Variants in MACROD2 observed in about 807,000 individuals in gnomAD.
The protein encoded by MACROD2 is ADP-ribose glycohydrolase MACROD2.
In MACROD2, 36 loss-of-function variants were observed where a neutral mutation model predicts 70.4. That is an observed-to-expected ratio of 0.51 (90% CI 0.39 to 0.68). The LOEUF is 0.68. MACROD2 is among the 30% of genes least tolerant of loss of function. The pLI, the probability that MACROD2 is intolerant of heterozygous loss-of-function variation, is 0.00. For synonymous variants in MACROD2, 172 were observed against 178.8 expected (o/e 0.96, Z 0.30); for missense variants, 496 against 538.4 (o/e 0.92, Z 0.78).
At chr20:15,620,959 T>C (rs1445102520) in intron 8 of MACROD2, among the ~76,000 whole-genome samples, 1 of 152,110 alleles carries the variant, frequency 6.6e-6, no homozygotes. Flanking sequence ...GGTTTGACTT[T>C]AGAGAAGGTC....
At chr20:15,257,400 A>C (rs2077208922) in intron 6 of MACROD2, among the ~76,000 whole-genome samples, 1 of 152,066 alleles carries the variant, frequency 6.6e-6, no homozygotes, top group Non-Finnish European at 1.5e-5. Context: ...CTTATTGAGA[A>C]CCTATCAAGT....
At chr20:14,161,724 G>A (rs545189993) in intron 3 of MACROD2, among the ~76,000 whole-genome samples, 17 of 151,494 alleles carry the variant, frequency 1.1e-4, no homozygotes, top group East Asian at 9.8e-4. Flanking sequence ...CTACAGGTAC[G>A]CGCCACCACA....
chr20:14,658,813 C>T (rs979219375), intron 4 of MACROD2, among the ~76,000 whole-genome samples: 4 of 152,176 alleles, frequency 2.6e-5, no homozygotes, highest in African/African-American at 7.2e-5. Flanking sequence ...GGTCTTTCAC[C>T]GTGTTGCCCC....
chr20:14,718,434 T>C (rs1287425316), intron 5 of MACROD2, among the ~76,000 whole-genome samples: 1 of 151,668 alleles, frequency 6.6e-6, no homozygotes, highest in Non-Finnish European at 1.5e-5. Context: ...AAAGAGAAGC[T>C]AGTCAACAGG....
intron 5 of MACROD2, among the ~76,000 whole-genome samples, chr20:15,074,801 T>C (rs976354890): frequency 2.0e-5 from 3 of 152,172 alleles, no homozygotes; most frequent in East Asian, 3.8e-4. Context: ...GGGTAGAGAA[T>C]AGAAAACACA....
chr20:14,319,168 C>T (rs2082637716), intron 3 of MACROD2, among the ~76,000 whole-genome samples: 2 of 152,210 alleles, frequency 1.3e-5, no homozygotes, highest in Non-Finnish European at 2.9e-5. Context: ...ATCTCTGGGA[C>T]ATTTCCCCAT....
intron 10 of MACROD2, among the ~76,000 whole-genome samples, chr20:15,917,710 G>A (rs2065339672): frequency 6.6e-6 from 1 of 152,070 alleles, no homozygotes; most frequent in African/African-American, 2.4e-5. Flanking sequence ...ATTGTTGGAT[G>A]AGAATTCTCA....
intron 5 of MACROD2, among the ~76,000 whole-genome samples, chr20:14,945,663 C>T (rs988485441): frequency 3.3e-5 from 5 of 152,016 alleles, no homozygotes; most frequent in Admixed American, 1.3e-4. Context: ...TAAGAAGAAC[C>T]GAATGCTTTT....
chr20:14,514,171 C>T (rs947411627), intron 4 of MACROD2, among the ~76,000 whole-genome samples: 2 of 152,092 alleles, frequency 1.3e-5, no homozygotes, highest in South Asian at 4.1e-4. Flanking sequence ...AGCCTTGACT[C>T]TCTTTGAGGA....
chr20:14,690,413 A>G (rs566645198), intron 5 of MACROD2, among the ~76,000 whole-genome samples: 2 of 152,346 alleles, frequency 1.3e-5, no homozygotes, highest in South Asian at 4.1e-4. Context: ...TTCTATTCCC[A>G]GGTGCAATAA....
At chr20:15,230,282 A>G (rs1313073900) in intron 6 of MACROD2, among the ~76,000 whole-genome samples, 4 of 152,230 alleles carry the variant, frequency 2.6e-5, no homozygotes, top group Admixed American at 6.5e-5. Flanking sequence ...ATAAAACCTC[A>G]GAACTGGATT....
At chr20:14,359,241 A>G (rs1165976522) in intron 3 of MACROD2, among the ~76,000 whole-genome samples, 1 of 152,092 alleles carries the variant, frequency 6.6e-6, no homozygotes, top group Non-Finnish European at 1.5e-5. Context: ...ATCATGAATA[A>G]TTATCTGTAG....
At chr20:15,759,184 G>A (rs1370496627) in intron 8 of MACROD2, among the ~76,000 whole-genome samples, 4 of 142,034 alleles carry the variant, frequency 2.8e-5, no homozygotes, top group Non-Finnish European at 6.1e-5. Context: ...GGACCCCATA[G>A]TCATTCTATC....
intron 3 of MACROD2, among the ~76,000 whole-genome samples, chr20:14,276,290 T>A (rs1601426162): frequency 6.6e-6 from 1 of 150,634 alleles, no homozygotes; most frequent in Non-Finnish European, 1.5e-5. Context: ...TGGAATACTA[T>A]GCAGCCATAA....
At chr20:15,070,924 A>C (rs942477497) in intron 5 of MACROD2, among the ~76,000 whole-genome samples, 17 of 150,582 alleles carry the variant, frequency 1.1e-4, no homozygotes, top group Non-Finnish European at 1.8e-4. Flanking sequence ...AAAAAAAAAA[A>C]CCCAAAAAAG....
At chr20:15,258,245 A>G (rs2077217128) in intron 6 of MACROD2, among the ~76,000 whole-genome samples, 1 of 152,050 alleles carries the variant, frequency 6.6e-6, no homozygotes, top group Non-Finnish European at 1.5e-5. Context: ...TTTTAAAAAT[A>G]AATTTAGTGT....
chr20:15,890,222 A>G (rs1183942972), intron 10 of MACROD2, among the ~76,000 whole-genome samples: 1 of 152,210 alleles, frequency 6.6e-6, no homozygotes, highest in Non-Finnish European at 1.5e-5. Context: ...AATGTGGCAC[A>G]TGGAAGTCTT....
At chr20:15,907,766 C>G (rs1479831521) in intron 10 of MACROD2, among the ~76,000 whole-genome samples, 1 of 152,154 alleles carries the variant, frequency 6.6e-6, no homozygotes, top group Non-Finnish European at 1.5e-5. Context: ...CCATCTGTTC[C>G]TGTGCATAGA....
intron 3 of MACROD2, among the ~76,000 whole-genome samples, chr20:14,215,539 G>A (rs557425251): frequency 6.6e-6 from 1 of 152,130 alleles, no homozygotes; most frequent in Non-Finnish European, 1.5e-5. Context: ...TAATGGGATT[G>A]CTGGATCAAA....
Sources: gnomAD v4.1 joint callset for allele counts (sites outside exome capture counted in the v4.1 genomes callset) on GRCh38, gnomAD v4.1.1 for gene constraint, MANE v1.5 for transcripts, NCBI Gene and HGNC (gene_info 2026-07-23, HGNC 2026-07-21) for gene names.